The following PXDNL variants were observed in gnomAD, a reference collection of about 807,000 sequenced individuals.
The protein encoded by PXDNL is probable oxidoreductase PXDNL.
Under a neutral mutation model 150.8 loss-of-function variants are expected in PXDNL, and 145 were observed. That is an observed-to-expected ratio of 0.96 (90% CI 0.84 to 1.10). PXDNL has a LOEUF of 1.10. Ranked by LOEUF, PXDNL falls within the 50% of genes least tolerant of loss-of-function variation. The probability of loss-of-function intolerance (pLI) is 0.00; values close to 1 mark genes in which losing one functional copy is unlikely to be tolerated. For missense variants in PXDNL, 2,087 were observed against 1,873.9 expected, an observed-to-expected ratio of 1.11 and a Z score of -2.10; for synonymous variants, 757 against 725.7, an observed-to-expected ratio of 1.04 and a Z score of -0.69.
intron 1 of PXDNL, among the ~76,000 whole-genome samples, chr8:51,686,740 A>G (rs556290896): frequency 6.6e-6 from 1 of 152,354 alleles, no homozygotes; most frequent in South Asian, 2.1e-4. Flanking sequence ...GATTTGAATG[A>G]TGAAATATTT....
intron 11 of PXDNL, among the ~76,000 whole-genome samples, chr8:51,447,714 T>A (rs1809707982): frequency 6.6e-6 from 1 of 152,210 alleles, no homozygotes; most frequent in African/African-American, 2.4e-5. Context: ...ACTCTTATGG[T>A]CATTAACAAT....
At chr8:51,644,388 ATG>A (rs1295755098) in intron 2 of PXDNL, among the ~76,000 whole-genome samples, 16 of 35,436 alleles carry the variant, frequency 4.5e-4, no homozygotes, top group South Asian at 3.9e-3. Flanking sequence ...ACACACACAT[ATG>A]TGTATATATA....
intron 1 of PXDNL, among the ~76,000 whole-genome samples, chr8:51,738,560 C>T (rs532383673): frequency 7.9e-5 from 12 of 151,916 alleles, no homozygotes; most frequent in East Asian, 1.9e-4. Flanking sequence ...TGGAAACACA[C>T]GCACACACAC....
intron 3 of PXDNL, among the ~76,000 whole-genome samples, chr8:51,588,734 A>T (rs1813379163): frequency 6.6e-6 from 1 of 152,118 alleles, no homozygotes; most frequent in African/African-American, 2.4e-5. Context: ...ACTCTAAGGG[A>T]GTTACTCGTG....
intron 6 of PXDNL, among the ~76,000 whole-genome samples, chr8:51,478,583 T>A (rs560061340): frequency 6.6e-6 from 1 of 152,208 alleles, no homozygotes; most frequent in East Asian, 1.9e-4. Context: ...GAGTTAGAAA[T>A]GGCATGGTAC....
At chr8:51,350,585 C>A (rs1203922801) in intron 19 of PXDNL, among the ~76,000 whole-genome samples, 2 of 151,958 alleles carry the variant, frequency 1.3e-5, no homozygotes, top group Non-Finnish European at 2.9e-5. Context: ...GAGCTCCTGA[C>A]CTCAGGTGAT....
chr8:51,423,845 G>A (rs1255328364), intron 13 of PXDNL, 114 bp from the exon 14 acceptor site: 4 of 910,964 alleles, frequency 4.4e-6, no homozygotes, highest in South Asian at 1.9e-5. Flanking sequence ...CACGTTTGCT[G>A]TGTGTCAAGT....
At chr8:51,644,637 T>A (rs1466596289) in intron 2 of PXDNL, among the ~76,000 whole-genome samples, 2 of 151,138 alleles carry the variant, frequency 1.3e-5, no homozygotes, top group Non-Finnish European at 2.9e-5. Flanking sequence ...TTTTGTATTT[T>A]TAGTAGAGAT....
intron 4 of PXDNL, among the ~76,000 whole-genome samples, chr8:51,523,558 A>G (rs1409869147): frequency 6.6e-6 from 1 of 152,238 alleles, no homozygotes; most frequent in Admixed American, 6.5e-5. Context: ...GAAAAACAAA[A>G]CAAAGAAAAC....
At chr8:51,566,935 C>T (rs1237150531) in intron 3 of PXDNL, among the ~76,000 whole-genome samples, 1 of 151,510 alleles carries the variant, frequency 6.6e-6, no homozygotes, top group African/African-American at 2.4e-5. Context: ...CACTATACCT[C>T]TAAGGACTGC....
intron 4 of PXDNL, among the ~76,000 whole-genome samples, chr8:51,523,139 G>GT (rs1180350724): frequency 1.3e-5 from 2 of 152,088 alleles, no homozygotes; most frequent in African/African-American, 4.8e-5. Context: ...AAAACAGAGC[G>GT]TAAGAGGAGC....
At chr8:51,682,531 C>G (rs556550681) in intron 1 of PXDNL, among the ~76,000 whole-genome samples, 1 of 152,272 alleles carries the variant, frequency 6.6e-6, no homozygotes, top group East Asian at 1.9e-4. Context: ...CAGCTCTGTC[C>G]TTAATCTGTT....
intron 4 of PXDNL, among the ~76,000 whole-genome samples, chr8:51,528,239 A>G (rs73583076): frequency 0.031 from 4,676 of 152,194 alleles, 215 homozygotes; most frequent in African/African-American, 0.11. Flanking sequence ...AACAAGTTCT[A>G]CCAGCTAGTG....
rs1189146504 is a variant in PXDNL at position 51,641,084 on chromosome 8, G to A, written c.236+13605C>T. Among the ~76,000 whole-genome samples the A allele has an allele frequency of 2.6e-5, 4 of 151,992 alleles. No homozygotes were observed. In the East Asian group the frequency reaches 7.7e-4, roughly 29 times the overall value. ...CAACCATCTGATCTTTGACAAACCT[G>A]AGAAAAACAAGCAATGGGGAAAGGA... is the stretch of plus-strand genomic sequence containing the variant. On this transcript the variant is annotated intron_variant, in intron 2 of 22. Transcript: ENST00000356297.
At chr8:51,523,384 C>T (rs1257109342) in intron 4 of PXDNL, among the ~76,000 whole-genome samples, 1 of 152,206 alleles carries the variant, frequency 6.6e-6, no homozygotes, top group African/African-American at 2.4e-5. Flanking sequence ...ATCCCATCAA[C>T]ATAGCCAACA....
At chr8:51,329,689 T>A (rs1364114819) in intron 21 of PXDNL, among the ~76,000 whole-genome samples, 1 of 152,016 alleles carries the variant, frequency 6.6e-6, no homozygotes, top group African/African-American at 2.4e-5. Context: ...GAGATAAAAA[T>A]GCAAAAGAAG....
intron 21 of PXDNL, among the ~76,000 whole-genome samples, chr8:51,323,080 A>G (rs1392283793): frequency 6.6e-6 from 1 of 152,190 alleles, no homozygotes; most frequent in East Asian, 1.9e-4. Context: ...GGTTTGAAGT[A>G]TGAAAATCAC....
At chr8:51,547,019 C>G (rs1033009884) in intron 4 of PXDNL, among the ~76,000 whole-genome samples, 1 of 152,166 alleles carries the variant, frequency 6.6e-6, no homozygotes, top group Non-Finnish European at 1.5e-5. Flanking sequence ...AGTCTGAGCT[C>G]GGTACTGCCC....
intron 19 of PXDNL, among the ~76,000 whole-genome samples, chr8:51,371,084 T>C (rs1344716088): frequency 6.6e-6 from 1 of 152,228 alleles, no homozygotes; most frequent in Non-Finnish European, 1.5e-5. Flanking sequence ...CCAGAGGAAC[T>C]GCAAATATCC....
Sources: gnomAD v4.1 joint callset for allele counts (sites outside exome capture counted in the v4.1 genomes callset) on GRCh38, gnomAD v4.1.1 for gene constraint, MANE v1.5 for transcripts, NCBI Gene and HGNC (gene_info 2026-07-23, HGNC 2026-07-21) for gene names.